The following RAPSN variants were observed in gnomAD, a reference collection of about 807,000 sequenced individuals.
RAPSN encodes 43 kDa receptor-associated protein of the synapse.
Under a neutral mutation model 45.7 loss-of-function variants are expected in RAPSN, and 33 were observed. The observed-to-expected ratio is 0.72, with a 90% CI of 0.55 to 0.97. RAPSN has a LOEUF of 0.97. Ranked by LOEUF, RAPSN falls within the 50% of genes least tolerant of loss-of-function variation. The probability of loss-of-function intolerance (pLI) is 0.00; values close to 1 mark genes in which losing one functional copy is unlikely to be tolerated. For missense variants in RAPSN, 519 were observed against 559.4 expected, an observed-to-expected ratio of 0.93 and a Z score of 0.73; for synonymous variants, 244 against 233.6, an observed-to-expected ratio of 1.04 and a Z score of -0.40.
rs35810986 is a variant in RAPSN, at chr11:47,447,931, C to T, written c.412G>A (p.Val138Ile). 2.4e-4 allele frequency: 391 copies of T among 1,613,532 alleles called. No homozygotes were observed. The highest frequency in any genetic ancestry group is 1.8e-3 in the African/African-American group (135 of 75,032). The stretch of plus-strand genomic sequence containing the variant: ...AAGCTCTCCAGGGCCTTCTGGAAGA[C>T]GCTGAGGCCCAGGAAGGCATTGCCC... ...SMGNAFLGLS[V>I]FQKALESFEK... Residue 138 changes from valine (V) to isoleucine (I), a missense_variant, in exon 2 of 8, where the codon GTC (valine) becomes ATC (isoleucine). Coordinates refer to ENST00000298854, the MANE Select transcript of RAPSN (RefSeq NM_005055.5).
chr11:47,444,465 G>C (rs1414748783), intron 2 of RAPSN, among the ~76,000 whole-genome samples: 2 of 152,024 alleles, frequency 1.3e-5, no homozygotes, highest in Admixed American at 1.3e-4. Flanking sequence ...CTTGAACACA[G>C]GAGTTTTAGG....
chr11:47,441,354 G>A (rs965488851), intron 5 of RAPSN, 142 bp from the exon 6 acceptor site: 1 of 1,252,142 alleles, frequency 8.0e-7, no homozygotes, highest in Non-Finnish European at 1.1e-6. Context: ...AAGAGACTAG[G>A]GCACAGTCAT....
intron 6 of RAPSN, among the ~76,000 whole-genome samples, chr11:47,439,203 G>A (rs894647089): frequency 2.0e-5 from 3 of 152,202 alleles, no homozygotes; most frequent in African/African-American, 4.8e-5. Flanking sequence ...GCAGGGCGCC[G>A]TGGCTCATGC....
chr11:47,440,758 TTTTTCTTTTC>T (rs893091693), intron 6 of RAPSN, among the ~76,000 whole-genome samples: 2 of 152,220 alleles, frequency 1.3e-5, no homozygotes, highest in African/African-American at 4.8e-5. Flanking sequence ...CAAAAATGTT[TTTTTCTTTTC>T]TTTTCTTTTC....
intron 2 of RAPSN, 142 bp from the exon 3 acceptor site, chr11:47,442,956 A>C: frequency 7.1e-7 from 1 of 1,405,444 alleles, no homozygotes; most frequent in Admixed American, 2.0e-5. Flanking sequence ...ATCCAGGACA[A>C]GAGTGGCCCG....
intron 2 of RAPSN, among the ~76,000 whole-genome samples, chr11:47,446,223 TA>T (rs575360258): frequency 0.017 from 2,273 of 134,422 alleles, 50 homozygotes; most frequent in African/African-American, 0.053. Flanking sequence ...CTTGCCAAAT[TA>T]AAAAAAAAAA....
intron 2 of RAPSN, among the ~76,000 whole-genome samples, chr11:47,445,795 G>A (rs1385308361): frequency 6.6e-6 from 1 of 152,060 alleles, no homozygotes; most frequent in East Asian, 1.9e-4. Context: ...TTTAAAATAA[G>A]TTAAGGGGAG....
At chr11:47,439,407 G>A (rs575732200) in intron 6 of RAPSN, among the ~76,000 whole-genome samples, 1 of 152,298 alleles carries the variant, frequency 6.6e-6, no homozygotes, top group South Asian at 2.1e-4. Context: ...CCAGGAGGCG[G>A]AGGTTGCAGT....
chr11:47,442,439 C>T (rs1382416580), intron 3 of RAPSN, among the ~76,000 whole-genome samples: 8 of 152,186 alleles, frequency 5.3e-5, no homozygotes, highest in Non-Finnish European at 1.2e-4. Flanking sequence ...ACACGAGGAT[C>T]GCTTCAGCAC....
At chr11:47,441,979 T>C in intron 3 of RAPSN, 58 bp from the exon 4 acceptor site, 2 of 1,498,228 alleles carry the variant, frequency 1.3e-6, no homozygotes, top group Non-Finnish European at 1.8e-6. Flanking sequence ...TGGAGTGCCC[T>C]CCCCTCAACA....
At chr11:47,438,196 G>T in intron 7 of RAPSN, 149 bp from the exon 8 acceptor site, 1 of 947,706 alleles carries the variant, frequency 1.1e-6, no homozygotes, top group Non-Finnish European at 1.6e-6. Context: ...GGTCCCCCCA[G>T]GCTCCCACTG....
intron 2 of RAPSN, 42 bp downstream of exon 2, chr11:47,447,770 C>T (rs1286410343): frequency 6.3e-7 from 1 of 1,576,404 alleles, no homozygotes; most frequent in African/African-American, 1.4e-5. Flanking sequence ...AGAGGGGAGC[C>T]CCAAAACCCT....
chr11:47,444,526 A>G (rs1227405781), intron 2 of RAPSN, among the ~76,000 whole-genome samples: 4 of 152,062 alleles, frequency 2.6e-5, no homozygotes, highest in African/African-American at 7.2e-5. Context: ...GTGACAGAGC[A>G]AGATCCTGTC....
chr11:47,438,581 C>A, intron 7 of RAPSN, 151 bp downstream of exon 7: 1 of 938,976 alleles, frequency 1.1e-6, no homozygotes, highest in South Asian at 1.6e-5. Context: ...CCTCGGCCTC[C>A]CAAAGTGCTT....
chr11:47,443,024 G>A (rs2076378155), intron 2 of RAPSN, among the ~76,000 whole-genome samples: 1 of 152,218 alleles, frequency 6.6e-6, no homozygotes, highest in African/African-American at 2.4e-5. Flanking sequence ...TTCTCATCTG[G>A]TTTGTGACGC....
In RAPSN at chr11:47,441,171, C is replaced by T; in HGVS notation, c.954G>A (p.Glu318=). Residue 318 remains glutamate (E), a synonymous_variant, in exon 6 of 8, where the codon GAG becomes GAA. Coordinates refer to ENST00000298854, the MANE Select transcript of RAPSN (RefSeq NM_005055.5). ...AIERAQDLAE[E]VGNKLSQLKL... is the part of the protein sequence containing the mutation. ...AATCAAGTCTGACCTTGTTCCCCAC[C>T]TCCTCGGCCAGATCCTGGGCTCTCT... The T allele has an allele frequency of 6.2e-7, 1 of 1,614,128 alleles. No individual in the cohort carries two copies. Among genetic ancestry groups the T allele is most frequent in the Admixed American group, 1.7e-5 (1 of 60,020 alleles).
In RAPSN at chr11:47,449,079, A is replaced by G; in HGVS notation, c.-115T>C. The G allele has an allele frequency of 7.6e-7, 1 of 1,319,372 alleles. No homozygotes were observed. The highest frequency in any genetic ancestry group is 1.1e-6 in the Non-Finnish European group (1 of 927,714). The allele number at this position is 1,319,372 out of a possible 1,614,324, so 81.7% of individuals were successfully genotyped here. ...CCCCCCGAAACGTGGGAACAAAAGCAGCGTCGGGTGGGAGCCGGAATGGGG... is the reference window on the plus strand; with the variant it reads ...CCCCCCGAAACGTGGGAACAAAAGCGGCGTCGGGTGGGAGCCGGAATGGGG... On this transcript the variant is annotated 5_prime_UTR_variant, in exon 1 of 8. Coordinates refer to ENST00000298854, the MANE Select transcript of RAPSN (RefSeq NM_005055.5).
At chr11:47,444,067 C>A (rs1156726906) in intron 2 of RAPSN, among the ~76,000 whole-genome samples, 1 of 150,582 alleles carries the variant, frequency 6.6e-6, no homozygotes, top group Non-Finnish European at 1.5e-5. Flanking sequence ...CAAGGTAAAT[C>A]TATTTGATCT....
At chr11:47,440,548 G>T (rs1204145077) in intron 6 of RAPSN, among the ~76,000 whole-genome samples, 1 of 152,202 alleles carries the variant, frequency 6.6e-6, no homozygotes, top group Non-Finnish European at 1.5e-5. Flanking sequence ...AGGAGTTTCA[G>T]ACAAGCCTGG....
Sources: allele counts gnomAD v4.1 joint callset (sites outside exome capture counted in the v4.1 genomes callset), GRCh38; gene constraint gnomAD v4.1.1; transcripts MANE v1.5; gene names NCBI Gene and HGNC (gene_info 2026-07-23, HGNC 2026-07-21).